Variants in PLS1 observed in about 807,000 individuals in gnomAD.
PLS1 encodes the protein plastin-1.
PLS1 carries 32 observed loss-of-function variants against 73.7 expected under a neutral mutation model. The observed-to-expected ratio is 0.43, with a 90% CI of 0.33 to 0.58. PLS1 has a LOEUF of 0.58. PLS1 is among the 20% of genes least tolerant of loss of function. The pLI, the probability that PLS1 is intolerant of heterozygous loss-of-function variation, is 0.04. For missense variants in PLS1, 633 were observed against 740.5 expected, an observed-to-expected ratio of 0.85 and a Z score of 1.68; for synonymous variants, 217 against 261.3, an observed-to-expected ratio of 0.83 and a Z score of 1.63.
intron 1 of PLS1, among the ~76,000 whole-genome samples, chr3:142,615,157 G>C (rs1317849011): frequency 6.6e-6 from 1 of 152,168 alleles, no homozygotes; most frequent in Admixed American, 6.5e-5. Flanking sequence ...AGTTGTGGGT[G>C]GGAAGGAAGC....
Position 142,711,503 on chromosome 3 carries a change from T to C in PLS1, c.1632T>C (p.Asp544=). The C allele has an allele frequency of 2.5e-6, 4 of 1,579,148 alleles. No homozygotes were observed. In the Admixed American group the frequency reaches 6.7e-5, roughly 27 times the overall value. The change falls in exon 15 of 16, where the codon GAT becomes GAC. Residue 544 remains aspartate, a splice_region_variant and synonymous_variant. Coordinates refer to ENST00000457734, the MANE Select transcript of PLS1 (RefSeq NM_001145319.2). ...TTCATCTATGCTTTATTTTCTAGGA[T>C]AAATCTATAAGCACAAGTTTACCTG... ...NKKTSISSFK[D]KSISTSLPVL...
chr3:142,706,610 G>A (rs2107966220), intron 14 of PLS1, among the ~76,000 whole-genome samples: 1 of 152,310 alleles, frequency 6.6e-6, no homozygotes, highest in South Asian at 2.1e-4. Flanking sequence ...CAATCTGAAT[G>A]TAGTGAACAG....
intron 3 of PLS1, among the ~76,000 whole-genome samples, chr3:142,670,077 C>A (rs983953520): frequency 6.6e-6 from 1 of 152,010 alleles, no homozygotes; most frequent in East Asian, 1.9e-4. Flanking sequence ...TGGTACAGGT[C>A]CTGTGAGAGT....
At chr3:142,637,209 A>G (rs2108602072) in intron 1 of PLS1, among the ~76,000 whole-genome samples, 1 of 152,374 alleles carries the variant, frequency 6.6e-6, no homozygotes, top group East Asian at 1.9e-4. Context: ...TCAGAAATAT[A>G]AAGGAATGAA....
At chr3:142,609,709 C>T (rs897811914) in intron 1 of PLS1, among the ~76,000 whole-genome samples, 10 of 152,116 alleles carry the variant, frequency 6.6e-5, no homozygotes, top group Non-Finnish European at 1.2e-4. Context: ...TGAATTTTGC[C>T]GTAAACTATT....
chr3:142,633,911 G>A (rs1411945618), intron 1 of PLS1, among the ~76,000 whole-genome samples: 1 of 152,152 alleles, frequency 6.6e-6, no homozygotes, highest in Admixed American at 6.5e-5. Flanking sequence ...AGACTTTTCA[G>A]ACAATGGCAT....
At chr3:142,657,610 C>T (rs2037270012) in intron 1 of PLS1, among the ~76,000 whole-genome samples, 1 of 152,182 alleles carries the variant, frequency 6.6e-6, no homozygotes, top group African/African-American at 2.4e-5. Flanking sequence ...CTGCCTCAAC[C>T]TCCCAAGTAG....
At chr3:142,601,662 G>A (rs1209682362) in intron 1 of PLS1, among the ~76,000 whole-genome samples, 2 of 151,922 alleles carry the variant, frequency 1.3e-5, no homozygotes, top group African/African-American at 4.8e-5. Context: ...CCCAGGTGTG[G>A]ACCAACGTGC....
At chr3:142,663,209 T>G (rs977618060) in intron 1 of PLS1, among the ~76,000 whole-genome samples, 1 of 151,968 alleles carries the variant, frequency 6.6e-6, no homozygotes, top group African/African-American at 2.4e-5. Context: ...AGTGAGACTC[T>G]GTCGCAGAAA....
intron 15 of PLS1, 91 bp from the exon 16 acceptor site, chr3:142,711,781 T>G (rs1046773419): frequency 8.2e-6 from 12 of 1,462,726 alleles, no homozygotes; most frequent in Non-Finnish European, 7.5e-6. Flanking sequence ...TTCGTAAAAC[T>G]AATCTTGTCA....
chr3:142,709,658 T>C (rs1224373672), intron 14 of PLS1, among the ~76,000 whole-genome samples: 1 of 151,778 alleles, frequency 6.6e-6, no homozygotes, highest in Non-Finnish European at 1.5e-5. Flanking sequence ...CTACTAAAAA[T>C]ACAAAAATAT....
intron 4 of PLS1, among the ~76,000 whole-genome samples, chr3:142,671,919 A>G (rs966587687): frequency 1.3e-5 from 2 of 152,004 alleles, no homozygotes; most frequent in South Asian, 2.1e-4. Flanking sequence ...TCTCTCATCT[A>G]TTATATGTTT....
intron 1 of PLS1, among the ~76,000 whole-genome samples, chr3:142,630,942 C>A (rs1014775763): frequency 1.3e-5 from 2 of 149,176 alleles, no homozygotes; most frequent in Non-Finnish European, 3.0e-5. Context: ...TAAATAAACA[C>A]ACACACACAC....
At chr3:142,611,909 G>A (rs2036128586) in intron 1 of PLS1, among the ~76,000 whole-genome samples, 1 of 152,090 alleles carries the variant, frequency 6.6e-6, no homozygotes, top group Non-Finnish European at 1.5e-5. Flanking sequence ...CTTTTTAGCT[G>A]TGAAACCAAG....
intron 1 of PLS1, among the ~76,000 whole-genome samples, chr3:142,644,617 G>T (rs1407217333): frequency 6.6e-6 from 1 of 152,154 alleles, no homozygotes; most frequent in Non-Finnish European, 1.5e-5. Flanking sequence ...CATTGTCAAT[G>T]ACTTGTTCTG....
At chr3:142,707,808 C>T (rs530566870) in intron 14 of PLS1, among the ~76,000 whole-genome samples, 2 of 152,206 alleles carry the variant, frequency 1.3e-5, no homozygotes, top group South Asian at 2.1e-4. Flanking sequence ...GTCAGCAATA[C>T]TATATAAATC....
rs1416299684 is a variant in PLS1 at position 142,712,948 on chromosome 3, AC to A, written c.*942del. ...TACTTGTAGCCAAACATTGGCTAGA[AC>A]ATCCCAAGATATGCTGACACTGTCC... On this transcript the variant is annotated 3_prime_UTR_variant, in exon 16 of 16. Coordinates refer to ENST00000457734, the MANE Select transcript of PLS1 (RefSeq NM_001145319.2). 5.2e-5 allele frequency: 8 copies of A among 152,612 alleles called. No individual in the cohort carries two copies. The highest frequency in any genetic ancestry group is 1.2e-4 in the Non-Finnish European group (8 of 68,008). 9.5% of individuals were successfully genotyped at this position (152,612 alleles called of 1,614,324 possible).
rs970898464 is a variant in PLS1 at position 142,676,501 on chromosome 3, G to A, written c.497+212G>A. Among the ~76,000 whole-genome samples, 3 of 152,048 alleles carry A rather than the reference G, an allele frequency of 2.0e-5. No homozygotes were observed. The East Asian group carries it at 5.8e-4, about 29-fold the overall frequency. ...AAATACAATCCCTTGTTTTTCTGTT[G>A]CCTTTTACGTGTATTACTATAATAA... On this transcript the variant is annotated intron_variant, in intron 5 of 15. Transcript: ENST00000457734.
rs558798409 is a variant in PLS1, at chr3:142,684,909, A to G, written c.888+514A>G. 7.9e-5 allele frequency among the ~76,000 whole-genome samples: 12 copies of G among 152,342 alleles called. No homozygotes were observed. In the South Asian group the frequency reaches 2.3e-3, roughly 29 times the overall value. Reference sequence around the variant, plus strand: ...CTGGGAGAATCTTGTCAAGGAAACTATAACAGGCATTTTTGTCTAATGACA... The same window carrying G: ...CTGGGAGAATCTTGTCAAGGAAACTGTAACAGGCATTTTTGTCTAATGACA... On this transcript the variant is annotated intron_variant, in intron 8 of 15. Transcript: ENST00000457734.
Sources: gnomAD v4.1 joint callset for allele counts (sites outside exome capture counted in the v4.1 genomes callset) on GRCh38, gnomAD v4.1.1 for gene constraint, MANE v1.5 for transcripts, NCBI Gene and HGNC (gene_info 2026-07-23, HGNC 2026-07-21) for gene names.